ELL3: variants seen among roughly 807,000 people sequenced by gnomAD.
The protein encoded by ELL3 is elongation factor for RNA polymerase II 3.
Under a neutral mutation model 58.5 loss-of-function variants are expected in ELL3, and 48 were observed. The ratio of observed to expected loss-of-function variants is 0.82; its 90% CI spans 0.65 to 1.04. The LOEUF (loss-of-function observed/expected upper bound fraction) is 1.04. ELL3 is among the 50% of genes least tolerant of loss of function. The probability of loss-of-function intolerance (pLI) is 0.00; values close to 1 mark genes in which losing one functional copy is unlikely to be tolerated. For missense variants in ELL3, 458 were observed against 478.4 expected, an observed-to-expected ratio of 0.96 and a Z score of 0.40; for synonymous variants, 174 against 173.2, an observed-to-expected ratio of 1.00 and a Z score of -0.04.
rs747639403 is a variant in ELL3 at position 43,775,713 on chromosome 15, C to T, written c.483+9G>A. On this transcript the variant is annotated intron_variant, in intron 4 of 10. Coordinates refer to ENST00000319359, the MANE Select transcript of ELL3 (RefSeq NM_025165.3). ...ATCACAACTCCCTGCAATTTCTGGCCTCACCCACCTCCTCTAGTGCCATCT... is the reference window on the plus strand; with the variant it reads ...ATCACAACTCCCTGCAATTTCTGGCTTCACCCACCTCCTCTAGTGCCATCT... 1.3e-5 allele frequency: 21 copies of T among 1,613,952 alleles called. No homozygotes were observed. In the African/African-American group the frequency reaches 2.7e-4, roughly 21 times the overall value.
intron 2 of ELL3, 81 bp from the exon 3 acceptor site, chr15:43,776,232 C>A: frequency 1.5e-6 from 2 of 1,343,830 alleles, no homozygotes. Context: ...GGAGCCAGTC[C>A]GTAAGTAAGA....
At chr15:43,774,406 C>G in intron 8 of ELL3, 53 bp from the exon 9 acceptor site, 1 of 1,613,628 alleles carries the variant, frequency 6.2e-7, no homozygotes, top group Admixed American at 1.7e-5. Context: ...TGAAAAGCCC[C>G]CAGCTTCCAG....
chr15:43,775,999 T>A, intron 3 of ELL3, 40 bp downstream of exon 3: 2 of 1,612,504 alleles, frequency 1.2e-6, no homozygotes, highest in Non-Finnish European at 1.7e-6. Context: ...TCCCCCACTT[T>A]CCACAAACCC....
chr15:43,775,170 T>TA (rs1421757424), intron 6 of ELL3, 136 bp downstream of exon 6: 12 of 824,596 alleles, frequency 1.5e-5, no homozygotes, highest in Non-Finnish European at 1.1e-5. Context: ...ACCTTGTCTC[T>TA]AAAAAAATTC....
rs372229990 is a variant in ELL3 at position 43,775,265 on chromosome 15, A to T, written c.645+41T>A. On this transcript the variant is annotated intron_variant, in intron 6 of 10. Transcript: ENST00000319359. ...ATAGTCTTTGCCACTGTTTAATTAT[A>T]TTAATGTTACAAAAAAAAAGCCCTT... The T allele has an allele frequency of 1.9e-6, 3 of 1,539,726 alleles. No homozygotes were observed. In the African/African-American group the frequency reaches 4.2e-5, roughly 21 times the overall value.
rs2086912079 is a variant in ELL3, at chr15:43,775,924, C to G, written c.282-1G>C. ...GCAGTGGAGGCTGTTAGGCCCAGACCTGGAAAAGGATGGTGGAAAAAAATA... is the reference window on the plus strand; with the variant it reads ...GCAGTGGAGGCTGTTAGGCCCAGACGTGGAAAAGGATGGTGGAAAAAAATA... On this transcript the variant is annotated splice_acceptor_variant, in intron 3 of 10. Coordinates refer to ENST00000319359, the MANE Select transcript of ELL3 (RefSeq NM_025165.3). LOFTEE classifies it high-confidence loss of function. 2 of 1,613,962 alleles carry G rather than the reference C, an allele frequency of 1.2e-6. No individual in the cohort carries two copies. The highest frequency in any genetic ancestry group is 2.2e-5 in the South Asian group (2 of 91,072).
intron 2 of ELL3, 22 bp from the exon 3 acceptor site, chr15:43,776,173 A>C (rs772689242): frequency 6.3e-7 from 1 of 1,598,434 alleles, no homozygotes; most frequent in Non-Finnish European, 8.6e-7. Flanking sequence ...AGGAGACGGT[A>C]AGCCCCATGA....
In ELL3 at chr15:43,776,164, G is replaced by C. The variant is rs541095065; in HGVS notation, c.169-13C>G. On this transcript the variant is annotated splice_polypyrimidine_tract_variant and intron_variant, in intron 2 of 10. Coordinates refer to ENST00000319359, the MANE Select transcript of ELL3 (RefSeq NM_025165.3). ...GGAGTCTCAGATACTGGGGGTGGAAGGAGACGGTAAGCCCCATGAAGTCAG... is the reference window on the plus strand; with the variant it reads ...GGAGTCTCAGATACTGGGGGTGGAACGAGACGGTAAGCCCCATGAAGTCAG... 1 of 1,610,432 alleles carries C rather than the reference G, an allele frequency of 6.2e-7. No individual in the cohort carries two copies. The highest frequency in any genetic ancestry group is 1.3e-5 in the African/African-American group (1 of 74,954).
At chr15:43,775,215 A>G (rs2086905466) in intron 6 of ELL3, 91 bp downstream of exon 6, 1 of 1,306,378 alleles carries the variant, frequency 7.7e-7, no homozygotes, top group Non-Finnish European at 1.0e-6. Context: ...TCTAAATTTT[A>G]GCTTGACTAA....
Position 43,776,928 on chromosome 15 carries a change from C to A in ELL3, c.-27G>T. The A allele has an allele frequency of 1.2e-6, 2 of 1,606,510 alleles. No individual in the cohort carries two copies. Among genetic ancestry groups the A allele is most frequent in the Non-Finnish European group, 8.5e-7 (1 of 1,179,390 alleles). Reference sequence around the variant, plus strand: ...GCGACGAGTTCGAGTGCAAGCAGCACGGGGGCCACAGGCGAGGGCCACCAC... The same window carrying A: ...GCGACGAGTTCGAGTGCAAGCAGCAAGGGGGCCACAGGCGAGGGCCACCAC... On this transcript the variant is annotated 5_prime_UTR_variant, in exon 1 of 11. Coordinates refer to ENST00000319359, the MANE Select transcript of ELL3 (RefSeq NM_025165.3).
rs775016691 is a variant in ELL3, at chr15:43,774,230, C to G, written c.990G>C (p.Glu330Asp). Reference sequence around the variant, plus strand: ...GAACTCTTTTAATCTCTGCTCCCAGCTCTATGAACCTTTGGCTTGCAGTCC... The same window carrying G: ...GAACTCTTTTAATCTCTGCTCCCAGGTCTATGAACCTTTGGCTTGCAGTCC... ...RVGTASQRFI[E>D]LGAEIKRVRR... is the part of the protein sequence containing the mutation. The change falls in exon 9 of 11, where the codon GAG (glutamate) becomes GAC (aspartate). Residue 330 changes from glutamate to aspartate, a missense_variant. By Grantham distance (45) the Glu-to-Asp change is conservative. Transcript: ENST00000319359. The G allele has an allele frequency of 6.2e-7, 1 of 1,614,070 alleles. No individual in the cohort carries two copies. Among genetic ancestry groups the G allele is most frequent in the African/African-American group, 1.3e-5 (1 of 74,922 alleles).
In ELL3 at chr15:43,776,656, G is replaced by A; in HGVS notation, c.133-112C>T. 3.2e-6 allele frequency: 5 copies of A among 1,546,686 alleles called. No individual in the cohort carries two copies. In the South Asian group the frequency reaches 5.9e-5, roughly 18 times the overall value. Reference sequence around the variant, plus strand: ...TAGCGGGCTTCACTTGGAGAGGTGGGGAGGCCAGAGCTTGCGGAAGCCGCT... The same window carrying A: ...TAGCGGGCTTCACTTGGAGAGGTGGAGAGGCCAGAGCTTGCGGAAGCCGCT... On this transcript the variant is annotated intron_variant, in intron 1 of 10. Transcript: ENST00000319359.
chr15:43,775,180 C>T (rs1364217219), intron 6 of ELL3, 126 bp downstream of exon 6: 4 of 884,266 alleles, frequency 4.5e-6, no homozygotes, highest in Non-Finnish European at 6.8e-6. Context: ...TAAAAAAATT[C>T]CTCCCATATA....
At position 43,774,757 on chromosome 15, in the gene ELL3, A is replaced by T. The variant is rs756478621; in HGVS notation, c.662T>A (p.Val221Glu). ...KRLDKKRSVP[V>E]ATVELEEKRF... ...CTTTTCTTCCAGTTCTACAGTGGCT[A>T]CAGGCACTGAACGTTTCTGTTGAGG... The change falls in exon 7 of 11, where the codon GTA becomes GAA. Residue 221 changes from valine to glutamate, a missense_variant. Val to Glu is a moderately radical substitution (Grantham distance 121). Transcript: ENST00000319359. 6.2e-7 allele frequency: 1 copy of T among 1,607,248 alleles called. No homozygotes were observed. Among genetic ancestry groups the T allele is most frequent in the South Asian group, 1.1e-5 (1 of 89,622 alleles).
In ELL3 at chr15:43,773,114, C is replaced by G. The variant is rs1327980747; in HGVS notation, c.*2G>C. On this transcript the variant is annotated 3_prime_UTR_variant, in exon 11 of 11. Transcript: ENST00000319359. Reference sequence around the variant, plus strand: ...AGAGGCTCAAAAATTCCCTTGATAACTTCAGCTGCCCCTGTTCTTTTCCTC... The same window carrying G: ...AGAGGCTCAAAAATTCCCTTGATAAGTTCAGCTGCCCCTGTTCTTTTCCTC... The G allele has an allele frequency of 6.3e-7, 1 of 1,594,772 alleles. No individual in the cohort carries two copies. Among genetic ancestry groups the G allele is most frequent in the South Asian group, 1.1e-5 (1 of 87,962 alleles).
In ELL3 at chr15:43,775,340, A is replaced by G. The variant is rs1203540574; in HGVS notation, c.611T>C (p.Leu204Pro). ...HVPNREPVQA[L>P]PSSASRKRLD... ...ACGTTTCCGGCTGGCAGAGGAAGGC[A>G]GTGCCTGAACAGGTTCTCTGTTTGG... is the stretch of plus-strand genomic sequence containing the variant. The change falls in exon 6 of 11, where the codon CTG becomes CCG. Residue 204 changes from leucine to proline, a missense_variant. Transcript: ENST00000319359. 6.2e-7 allele frequency: 1 copy of G among 1,613,292 alleles called. No homozygotes were observed. Among genetic ancestry groups the G allele is most frequent in the African/African-American group, 1.3e-5 (1 of 74,908 alleles).
chr15:43,773,156 C>T lies in ELL3; in HGVS notation c.1154G>A (p.Gly385Asp). ...CTTTTCCTCAAACTCCAGGATGAGA[C>T]CTTTAATGTGGGACAATTTCTGGTG... Reference protein sequence around the residue: ...YLHQKLSHIKGLILEFEEKNR... With the variant: ...YLHQKLSHIKDLILEFEEKNR... The change falls in exon 11 of 11, where the codon GGT (glycine) becomes GAT (aspartate). Residue 385 changes from glycine (G) to aspartate (D), a missense_variant. Physicochemically the swap from Gly to Asp is moderately conservative, Grantham distance 94 (BLOSUM62 -1). Transcript: ENST00000319359. The T allele has an allele frequency of 6.2e-7, 1 of 1,613,728 alleles. No individual in the cohort carries two copies. Among genetic ancestry groups the T allele is most frequent in the Non-Finnish European group, 8.5e-7 (1 of 1,179,932 alleles).
At position 43,773,042 on chromosome 15, in the gene ELL3, A is replaced by G. The variant is rs2086890491; in HGVS notation, c.*74T>C. On this transcript the variant is annotated 3_prime_UTR_variant, in exon 11 of 11. Coordinates refer to ENST00000319359, the MANE Select transcript of ELL3 (RefSeq NM_025165.3). ...CAGCATAAGAAAAGCAGATAGTTGC[A>G]TTCTATTTAGTTTATAGCTGCTTTG... The G allele has an allele frequency of 1.5e-6, 2 of 1,348,910 alleles. No homozygotes were observed. The highest frequency in any genetic ancestry group is 1.5e-5 in the African/African-American group (1 of 68,294). The allele number at this position is 1,348,910 out of a possible 1,614,324, so 83.6% of individuals were successfully genotyped here. A position where few individuals can be genotyped will look rare whatever the true frequency, so the allele number is the denominator to read the frequency against.
chr15:43,776,199 C>G (rs1026436404), intron 2 of ELL3, 48 bp from the exon 3 acceptor site: 7 of 1,528,302 alleles, frequency 4.6e-6, no homozygotes, highest in East Asian at 2.3e-5. Flanking sequence ...GCCCCTCCCC[C>G]TCCTGCCGCC....
Sources: gnomAD v4.1 joint callset for allele counts on GRCh38, gnomAD v4.1.1 for gene constraint, MANE v1.5 for transcripts, NCBI Gene and HGNC (gene_info 2026-07-23, HGNC 2026-07-21) for gene names.